Variants in CDIN1 observed in about 807,000 individuals in gnomAD.
The protein encoded by CDIN1 is CDAN1-interacting nuclease 1.
In CDIN1, 33 loss-of-function variants were observed where a neutral mutation model predicts 45.3. The ratio of observed to expected loss-of-function variants is 0.73; its 90% CI spans 0.55 to 0.97. CDIN1 has a LOEUF of 0.97. Among genes scored for constraint, CDIN1 ranks in the 50% least tolerant of loss-of-function variants. The probability of loss-of-function intolerance (pLI) is 0.00; values close to 1 mark genes in which losing one functional copy is unlikely to be tolerated. For synonymous variants in CDIN1, 118 were observed against 124.4 expected (o/e 0.95, Z 0.34); for missense variants, 303 against 339.4 (o/e 0.89, Z 0.84).
At chr15:36,710,165 C>T (rs970094631) in intron 10 of CDIN1, among the ~76,000 whole-genome samples, 1 of 152,096 alleles carries the variant, frequency 6.6e-6, no homozygotes, top group Admixed American at 6.6e-5. Flanking sequence ...AAAATCTCTG[C>T]ATAAGGTCAA....
chr15:36,639,257 A>T (rs913573900), intron 1 of CDIN1, among the ~76,000 whole-genome samples: 2 of 152,088 alleles, frequency 1.3e-5, no homozygotes, highest in Non-Finnish European at 2.9e-5. Context: ...GATTGAAAAT[A>T]TTTGGGGAAA....
intron 5 of CDIN1, among the ~76,000 whole-genome samples, chr15:36,663,861 A>T (rs1159841424): frequency 6.6e-6 from 1 of 152,228 alleles, no homozygotes; most frequent in Non-Finnish European, 1.5e-5. Context: ...ATGACACAGA[A>T]CTATGTGTTG....
At chr15:36,681,094 A>G (rs1195382564) in intron 5 of CDIN1, among the ~76,000 whole-genome samples, 1 of 152,158 alleles carries the variant, frequency 6.6e-6, no homozygotes, top group Admixed American at 6.5e-5. Flanking sequence ...AAATGACACT[A>G]TAAACTATAA....
chr15:36,595,206 T>C (rs1025475110), intron 1 of CDIN1, among the ~76,000 whole-genome samples: 2 of 151,398 alleles, frequency 1.3e-5, no homozygotes, highest in African/African-American at 2.4e-5. Flanking sequence ...GTGTGGGAAT[T>C]ATTGTCTTGA....
rs1481912234 is a variant in CDIN1, at chr15:36,676,862, G to A, written c.347-14823G>A. 2.6e-5 allele frequency among the ~76,000 whole-genome samples: 4 copies of A among 152,192 alleles called. No homozygotes were observed. The East Asian group carries it at 7.7e-4, about 29-fold the overall frequency. On this transcript the variant is annotated intron_variant, in intron 5 of 10. Transcript: ENST00000566621. ...AATTGGAGGAAAATCCAGGAGGGAGGAGGTAATACCATGGAATCTCTTACC... is the reference window on the plus strand; with the variant it reads ...AATTGGAGGAAAATCCAGGAGGGAGAAGGTAATACCATGGAATCTCTTACC...
chr15:36,632,239 T>A (rs973348293), intron 1 of CDIN1, among the ~76,000 whole-genome samples: 3 of 152,232 alleles, frequency 2.0e-5, no homozygotes, highest in African/African-American at 7.2e-5. Flanking sequence ...TCTCTACATC[T>A]TTGTAGCCTC....
chr15:36,790,081 A>T (rs2054606789), intron 10 of CDIN1: 2 of 152,242 alleles, frequency 1.3e-5, no homozygotes, highest in East Asian at 3.9e-4. Context: ...TCGTGGTGGT[A>T]AATTGCCATA....
intron 10 of CDIN1, among the ~76,000 whole-genome samples, chr15:36,758,443 T>G (rs2053668208): frequency 6.6e-6 from 1 of 152,182 alleles, no homozygotes; most frequent in Non-Finnish European, 1.5e-5. Flanking sequence ...GTGCCTCAGT[T>G]TCCTCATTCA....
At chr15:36,595,044 C>A in intron 1 of CDIN1, 2 of 371,976 alleles carry the variant, frequency 5.4e-6, no homozygotes, top group Non-Finnish European at 7.4e-6. Context: ...ATGGAAAAGA[C>A]AACTGACATA....
At chr15:36,801,093 G>A (rs535799610) in intron 10 of CDIN1, among the ~76,000 whole-genome samples, 40 of 151,082 alleles carry the variant, frequency 2.6e-4, no homozygotes, top group South Asian at 1.7e-3. Context: ...AGATCATTCC[G>A]TAGTCTACTT....
intron 5 of CDIN1, among the ~76,000 whole-genome samples, chr15:36,675,692 G>A (rs954121725): frequency 2.0e-5 from 3 of 151,990 alleles, no homozygotes; most frequent in South Asian, 2.1e-4. Flanking sequence ...AATGATATAC[G>A]GATTTTAATT....
At chr15:36,625,643 T>G (rs1338469051) in intron 1 of CDIN1, among the ~76,000 whole-genome samples, 1 of 152,130 alleles carries the variant, frequency 6.6e-6, no homozygotes, top group Admixed American at 6.5e-5. Context: ...TCTGTGGAAG[T>G]TTTTAGAACT....
chr15:36,619,173 G>A, intron 1 of CDIN1: 1 of 1,233,440 alleles, frequency 8.1e-7, no homozygotes, highest in Non-Finnish European at 1.2e-6. Flanking sequence ...GAAAAATCAG[G>A]GAACAGAGAT....
chr15:36,696,039 TG>T (rs1419435977), intron 7 of CDIN1, among the ~76,000 whole-genome samples: 1 of 112,828 alleles, frequency 8.9e-6, no homozygotes, highest in East Asian at 3.3e-4. Context: ...ACAGGGATCT[TG>T]TTGTTATCTT....
chr15:36,789,792 AACTG>A (rs777530370), intron 10 of CDIN1, among the ~76,000 whole-genome samples: 118 of 152,318 alleles, frequency 7.7e-4, no homozygotes, highest in African/African-American at 2.5e-3. Flanking sequence ...TGAGAGCAGC[AACTG>A]ACTATCTAAA....
chr15:36,615,660 A>G (rs2038853682), intron 1 of CDIN1, among the ~76,000 whole-genome samples: 1 of 152,240 alleles, frequency 6.6e-6, no homozygotes, highest in Non-Finnish European at 1.5e-5. Flanking sequence ...CTCCTAGCCC[A>G]AAGCAATTCT....
At chr15:36,627,942 ATT>A (rs35889540) in intron 1 of CDIN1, among the ~76,000 whole-genome samples, 103 of 144,264 alleles carry the variant, frequency 7.1e-4, no homozygotes, top group Middle Eastern at 3.7e-3. Flanking sequence ...GAGGCCTGTA[ATT>A]TTTTTTTTTT....
rs898693618 is a variant in CDIN1, at chr15:36,692,052, C to T, written c.427-74C>T. The stretch of plus-strand genomic sequence containing the variant: ...GGTGGGGGAAGAAAAGTAATTACTG[C>T]TTTTAGGATATTGTTTACTGTAATA... On this transcript the variant is annotated intron_variant, in intron 6 of 10. Coordinates refer to ENST00000566621, the MANE Select transcript of CDIN1 (RefSeq NM_001321759.2). 4.9e-6 allele frequency: 7 copies of T among 1,437,670 alleles called. No individual in the cohort carries two copies. In the African/African-American group the frequency reaches 1.0e-4, roughly 20 times the overall value. The allele number at this position is 1,437,670 out of a possible 1,614,324, so 89.1% of individuals were successfully genotyped here.
Position 36,719,563 on chromosome 15 carries a change from A to G in CDIN1, c.716+9602A>G, listed in dbSNP as rs572099227. ...ATTTTTGCATCTATGTTTATGAGTGATACAGGTTCATGTTTTATTTTTCCT... is the reference window on the plus strand; with the variant it reads ...ATTTTTGCATCTATGTTTATGAGTGGTACAGGTTCATGTTTTATTTTTCCT... On this transcript the variant is annotated intron_variant, in intron 10 of 10. Coordinates refer to ENST00000566621, the MANE Select transcript of CDIN1 (RefSeq NM_001321759.2). Among the ~76,000 whole-genome samples, 20 of 152,258 alleles carry G rather than the reference A, an allele frequency of 1.3e-4. No homozygotes were observed. The East Asian group carries it at 2.9e-3, about 22-fold the overall frequency.
Sources: gnomAD v4.1 joint callset for allele counts (sites outside exome capture counted in the v4.1 genomes callset) on GRCh38, gnomAD v4.1.1 for gene constraint, MANE v1.5 for transcripts, NCBI Gene and HGNC (gene_info 2026-07-23, HGNC 2026-07-21) for gene names.